GRM5: variants seen among roughly 807,000 people sequenced by gnomAD.
The protein encoded by GRM5 is metabotropic glutamate receptor 5.
GRM5 carries 19 observed loss-of-function variants against 83.1 expected under a neutral mutation model. The ratio of observed to expected loss-of-function variants is 0.23; its 90% CI spans 0.16 to 0.34. The LOEUF (loss-of-function observed/expected upper bound fraction) is 0.34, where lower values mean the gene tolerates loss of function less well. GRM5 is among the 10% of genes least tolerant of loss of function. The probability of loss-of-function intolerance (pLI) is 1.00; values close to 1 mark genes in which losing one functional copy is unlikely to be tolerated. For synonymous variants in GRM5, 675 were observed against 633.6 expected, an observed-to-expected ratio of 1.07 and a Z score of -0.98; for missense variants, 1,160 against 1,588.3, an observed-to-expected ratio of 0.73 and a Z score of 4.58.
intron 2 of GRM5, among the ~76,000 whole-genome samples, chr11:88,867,228 T>C (rs1321023315): frequency 2.6e-5 from 4 of 151,986 alleles, no homozygotes; most frequent in Non-Finnish European, 5.9e-5. Context: ...AGTAGTTTTT[T>C]TTCTAATTCT....
intron 2 of GRM5, among the ~76,000 whole-genome samples, chr11:88,979,861 T>A (rs1388074324): frequency 6.6e-6 from 1 of 151,638 alleles, no homozygotes; most frequent in Admixed American, 6.6e-5. Flanking sequence ...ACATTAACAT[T>A]TTTTTTTTAA....
intron 4 of GRM5, among the ~76,000 whole-genome samples, chr11:88,652,539 G>A (rs1411075101): frequency 6.6e-6 from 1 of 151,946 alleles, no homozygotes; most frequent in Non-Finnish European, 1.5e-5. Flanking sequence ...GTAAACCTTT[G>A]AGGGCAGGAA....
chr11:88,970,713 C>T (rs1403166898), intron 2 of GRM5, among the ~76,000 whole-genome samples: 2 of 152,300 alleles, frequency 1.3e-5, no homozygotes, highest in East Asian at 1.9e-4. Context: ...ATCAACAGTT[C>T]TAACTGATAA....
At chr11:88,925,876 G>A (rs558004533) in intron 2 of GRM5, 6 of 362,172 alleles carry the variant, frequency 1.7e-5, no homozygotes, top group Admixed American at 3.3e-5. Flanking sequence ...GCCACTGCAC[G>A]CTAGACTGGG....
intron 8 of GRM5, among the ~76,000 whole-genome samples, chr11:88,559,003 ATAT>A (rs1430333848): frequency 6.6e-6 from 1 of 151,998 alleles, no homozygotes; most frequent in Non-Finnish European, 1.5e-5. Context: ...GTAACTAAAA[ATAT>A]TATACCAAAA....
intron 3 of GRM5, among the ~76,000 whole-genome samples, chr11:88,739,377 A>C (rs1023918618): frequency 2.3e-4 from 35 of 152,164 alleles, no homozygotes; most frequent in African/African-American, 8.2e-4. Flanking sequence ...TGCCCCACTA[A>C]AGTATTCTAT....
intron 2 of GRM5, among the ~76,000 whole-genome samples, chr11:88,964,234 C>A (rs1938875908): frequency 6.6e-6 from 1 of 152,216 alleles, no homozygotes; most frequent in African/African-American, 2.4e-5. Context: ...GTTAGTGAGA[C>A]ATTGGAGCCA....
In GRM5 at chr11:88,907,768, T is replaced by C. The variant is rs561571136; in HGVS notation, c.662-57613A>G. The stretch of plus-strand genomic sequence containing the variant: ...CTTCTCTATGCCTCAGTGTTTTAAT[T>C]TGAAAACTAGTAATTCAGAAATGTT... On this transcript the variant is annotated intron_variant, in intron 2 of 9. Transcript: ENST00000305447. Among the ~76,000 whole-genome samples, 67 of 152,268 alleles carry C rather than the reference T, an allele frequency of 4.4e-4. 1 individual carries two copies. The highest frequency in any genetic ancestry group is 1.5e-3 in the African/African-American group (64 of 41,560).
At chr11:88,633,681 T>C (rs562169752) in intron 4 of GRM5, among the ~76,000 whole-genome samples, 28 of 152,254 alleles carry the variant, frequency 1.8e-4, no homozygotes, top group African/African-American at 6.7e-4. Flanking sequence ...TAAATTTTTT[T>C]ATTATTAGTT....
At chr11:88,730,246 T>G (rs1030261647) in intron 3 of GRM5, among the ~76,000 whole-genome samples, 1 of 151,996 alleles carries the variant, frequency 6.6e-6, no homozygotes, top group South Asian at 2.1e-4. Flanking sequence ...CAAAAGACAT[T>G]TATGCGGCCA....
At chr11:88,548,134 T>C (rs552729611) in intron 8 of GRM5, among the ~76,000 whole-genome samples, 1 of 152,332 alleles carries the variant, frequency 6.6e-6, no homozygotes, top group Non-Finnish European at 1.5e-5. Context: ...TCTTTCCTTG[T>C]TACCAAAGGA....
chr11:88,860,489 T>G lies in GRM5; in HGVS notation c.662-10334A>C, dbSNP rs529682941. ...TTAGCTCACTAGCCACCAATGATCC[T>G]TGATTCTAACTGGATCTAATGACAA... On this transcript the variant is annotated intron_variant, in intron 2 of 9. Coordinates refer to ENST00000305447, the MANE Select transcript of GRM5 (RefSeq NM_001143831.3). Among the ~76,000 whole-genome samples the G allele has an allele frequency of 3.4e-3, 522 of 152,328 alleles. 4 individuals are homozygous for G. Among genetic ancestry groups the G allele is most frequent in the African/African-American group, 0.012 (496 of 41,592 alleles).
rs566826041 is a variant in GRM5, at chr11:88,987,291, G to A, written c.661+59921C>T. On this transcript the variant is annotated intron_variant, in intron 2 of 9. Transcript: ENST00000305447. Reference sequence around the variant, plus strand: ...CGGGTCACTCCCACCCAAATACTGCGCTTTTCCGACGGGCTTAAAAAACGG... The same window carrying A: ...CGGGTCACTCCCACCCAAATACTGCACTTTTCCGACGGGCTTAAAAAACGG... Among the ~76,000 whole-genome samples, 11 of 152,094 alleles carry A rather than the reference G, an allele frequency of 7.2e-5. No homozygotes were observed. The East Asian group carries it at 1.2e-3, about 16-fold the overall frequency.
intron 3 of GRM5, among the ~76,000 whole-genome samples, chr11:88,808,702 T>A (rs1943539626): frequency 6.6e-6 from 1 of 151,944 alleles, no homozygotes; most frequent in Non-Finnish European, 1.5e-5. Context: ...AAAAATGGCA[T>A]CAAAATTAGC....
intron 2 of GRM5, among the ~76,000 whole-genome samples, chr11:88,850,591 T>C (rs1047541217): frequency 6.6e-6 from 1 of 150,710 alleles, no homozygotes; most frequent in Non-Finnish European, 1.5e-5. Context: ...GTAGTTTATA[T>C]AGTATAGATG....
intron 2 of GRM5, among the ~76,000 whole-genome samples, chr11:88,865,942 CTT>C (rs1011167464): frequency 6.6e-6 from 1 of 152,088 alleles, no homozygotes; most frequent in African/African-American, 2.4e-5. Context: ...AATAGGAACA[CTT>C]TTACACTGTT....
intron 2 of GRM5, among the ~76,000 whole-genome samples, chr11:88,985,792 C>A (rs115401870): frequency 3.3e-5 from 5 of 152,116 alleles, no homozygotes; most frequent in African/African-American, 1.2e-4. Context: ...CAATCTATGT[C>A]AAATAGGGTT....
chr11:88,887,020 T>C (rs907173262), intron 2 of GRM5, among the ~76,000 whole-genome samples: 1 of 152,162 alleles, frequency 6.6e-6, no homozygotes, highest in African/African-American at 2.4e-5. Context: ...ATCTTTTCCA[T>C]GAGGCACATC....
chr11:88,591,568 T>C (rs1937640348), intron 6 of GRM5, among the ~76,000 whole-genome samples: 1 of 152,228 alleles, frequency 6.6e-6, no homozygotes, highest in Non-Finnish European at 1.5e-5. Flanking sequence ...CTGTGATTAA[T>C]ATTCAGCAAT....
Sources: allele counts gnomAD v4.1 joint callset (sites outside exome capture counted in the v4.1 genomes callset), GRCh38; gene constraint gnomAD v4.1.1; transcripts MANE v1.5; gene names NCBI Gene and HGNC (gene_info 2026-07-23, HGNC 2026-07-21).